Variants in B9D2 observed in about 807,000 individuals in gnomAD.
B9D2 encodes B9 domain containing 2.
A neutral mutation model predicts 19.2 loss-of-function variants in B9D2; 21 were observed. The ratio of observed to expected loss-of-function variants is 1.09; its 90% confidence interval spans 0.78 to 1.58. The LOEUF is 1.58. Among genes scored for constraint, B9D2 ranks in the 40% most tolerant of loss-of-function variants. The probability of loss-of-function intolerance (pLI) is 0.00; values close to 1 mark genes in which losing one functional copy is unlikely to be tolerated. For synonymous variants in B9D2, 91 were observed against 100.6 expected (o/e 0.90, Z 0.57); for missense variants, 221 against 244.3 (o/e 0.90, Z 0.64).
chr19:41,358,681 G>A (rs1032142209), intron 2 of B9D2, among the ~76,000 whole-genome samples: 6 of 152,086 alleles, frequency 3.9e-5, no homozygotes, highest in African/African-American at 7.2e-5. Context: ...TAACAATTTC[G>A]ATCCTACTGA....
chr19:41,363,899 TTA>T, intron 1 of B9D2, 57 bp downstream of exon 1: 1 of 468,264 alleles, frequency 2.1e-6, no homozygotes, highest in Non-Finnish European at 3.9e-6. Context: ...GGCGCATGCG[TTA>T]TGAGTTCAGG....
In B9D2 at chr19:41,354,690, G is replaced by A. The variant is rs2038276352; in HGVS notation, c.*10C>T. The A allele has an allele frequency of 6.2e-7, 1 of 1,613,906 alleles. No individual in the cohort carries two copies. Among genetic ancestry groups the A allele is most frequent in the Non-Finnish European group, 8.5e-7 (1 of 1,179,970 alleles). ...GGTGTGGATGGTGGTGACGTTGGAGGCAGAGTCCCTCAGCACTCCACGCCG... is the reference window on the plus strand; with the variant it reads ...GGTGTGGATGGTGGTGACGTTGGAGACAGAGTCCCTCAGCACTCCACGCCG... On this transcript the variant is annotated 3_prime_UTR_variant, in exon 4 of 4. Transcript: ENST00000243578.
In B9D2 at chr19:41,363,547, C is replaced by T. The variant is rs377166930; in HGVS notation, c.-4-24G>A. The T allele has an allele frequency of 3.3e-4, 529 of 1,603,370 alleles. 2 individuals carry two copies. Among genetic ancestry groups the T allele is most frequent in the Non-Finnish European group, 4.0e-4 (473 of 1,172,022 alleles). Reference sequence around the variant, plus strand: ...CCCTGGGAGGGGAAAAATATAATCACAACCCTGTGAGGTAAGTGTATTATC... The same window carrying T: ...CCCTGGGAGGGGAAAAATATAATCATAACCCTGTGAGGTAAGTGTATTATC... On this transcript the variant is annotated intron_variant, in intron 1 of 3. Transcript: ENST00000243578.
At chr19:41,361,364 G>T (rs568120390) in intron 2 of B9D2, among the ~76,000 whole-genome samples, 14 of 152,108 alleles carry the variant, frequency 9.2e-5, no homozygotes, top group Admixed American at 2.0e-4. Context: ...CTCTGCCCAG[G>T]GTCACAGAGA....
At chr19:41,355,670 C>T (rs764224688) in intron 3 of B9D2, among the ~76,000 whole-genome samples, 13 of 152,302 alleles carry the variant, frequency 8.5e-5, no homozygotes, top group East Asian at 1.9e-4. Context: ...GCTGGGGACA[C>T]GGCAGACATG....
chr19:41,359,408 A>AAC (rs1026992931), intron 2 of B9D2, among the ~76,000 whole-genome samples: 13 of 151,640 alleles, frequency 8.6e-5, no homozygotes, highest in South Asian at 4.2e-4. Context: ...CTCTACTAAA[A>AAC]ACACACACAC....
chr19:41,355,622 G>C (rs2038301223), intron 3 of B9D2, among the ~76,000 whole-genome samples: 1 of 152,200 alleles, frequency 6.6e-6, no homozygotes, highest in East Asian at 1.9e-4. Flanking sequence ...CTCATCTCAT[G>C]CTGATCCCTT....
intron 2 of B9D2, chr19:41,363,170 C>T (rs564693623): frequency 3.3e-4 from 163 of 500,040 alleles, no homozygotes; most frequent in Non-Finnish European, 3.3e-5. Flanking sequence ...CACTAGAGCC[C>T]GAGAGTTCGA....
At chr19:41,359,627 C>T (rs1000722238) in intron 2 of B9D2, among the ~76,000 whole-genome samples, 6 of 151,942 alleles carry the variant, frequency 3.9e-5, no homozygotes, top group Non-Finnish European at 8.8e-5. Context: ...CACTTGAACC[C>T]AGGAGGCGGA....
At position 41,354,534 on chromosome 19, in the gene B9D2, G is replaced by T; in HGVS notation, c.*166C>A. The T allele has an allele frequency of 3.5e-6, 3 of 867,316 alleles. No homozygotes were observed. Among genetic ancestry groups the T allele is most frequent in the Non-Finnish European group, 5.5e-6 (3 of 548,312 alleles). 53.7% of individuals were successfully genotyped at this position (867,316 alleles called of 1,614,324 possible). On this transcript the variant is annotated 3_prime_UTR_variant, in exon 4 of 4. Transcript: ENST00000243578. ...CCCCAATTTACAGATAGGGAAACTGGGCCCAGAGGGACCCCGAGGTCCTAG... is the reference window on the plus strand; with the variant it reads ...CCCCAATTTACAGATAGGGAAACTGTGCCCAGAGGGACCCCGAGGTCCTAG...
At chr19:41,363,824 CG>C (rs1444228723) in intron 1 of B9D2, 133 bp downstream of exon 1, 9 of 539,316 alleles carry the variant, frequency 1.7e-5, no homozygotes, top group Non-Finnish European at 3.0e-5. Flanking sequence ...CGCCCACGAG[CG>C]CAAAAGACCC....
chr19:41,363,027 T>G, intron 2 of B9D2: 1 of 247,448 alleles, frequency 4.0e-6, no homozygotes, highest in South Asian at 4.4e-5. Context: ...GGTGGCCTGT[T>G]TGAGCGCAGG....
Position 41,354,627 on chromosome 19 carries a change from G to T in B9D2, c.*73C>A. The T allele has an allele frequency of 6.3e-7, 1 of 1,580,090 alleles. No individual in the cohort carries two copies. Among genetic ancestry groups the T allele is most frequent in the South Asian group, 1.1e-5 (1 of 89,562 alleles). ...GACAGTCTCTAGAGTCTGTGCTCTTGACCACTGTGCCATCCTCCCCCATCA... is the reference window on the plus strand; with the variant it reads ...GACAGTCTCTAGAGTCTGTGCTCTTTACCACTGTGCCATCCTCCCCCATCA... On this transcript the variant is annotated 3_prime_UTR_variant, in exon 4 of 4. Coordinates refer to ENST00000243578, the MANE Select transcript of B9D2 (RefSeq NM_030578.4).
At chr19:41,360,010 G>T (rs1333248314) in intron 2 of B9D2, among the ~76,000 whole-genome samples, 1 of 152,058 alleles carries the variant, frequency 6.6e-6, no homozygotes, top group East Asian at 1.9e-4. Flanking sequence ...TCTGCTCCTG[G>T]GTGTCCCCAT....
Position 41,363,514 on chromosome 19 carries a change from A to T in B9D2, c.6T>A (p.Ala2=). 6.2e-7 allele frequency: 1 copy of T among 1,614,042 alleles called. No homozygotes were observed. Among genetic ancestry groups the T allele is most frequent in the Non-Finnish European group, 8.5e-7 (1 of 1,179,964 alleles). Residue 2 remains alanine (A), a synonymous_variant, in exon 2 of 4, where the codon GCT becomes GCA. Coordinates refer to ENST00000243578, the MANE Select transcript of B9D2 (RefSeq NM_030578.4). M[A]EVHVIGQIIG... Reference sequence around the variant, plus strand: ...TGATCTGCCCGATCACGTGCACCTCAGCCATGGCCCTGGGAGGGGAAAAAT... The same window carrying T: ...TGATCTGCCCGATCACGTGCACCTCTGCCATGGCCCTGGGAGGGGAAAAAT...
intron 1 of B9D2, 41 bp downstream of exon 1, chr19:41,363,917 C>T (rs1000751328): frequency 5.0e-6 from 2 of 403,128 alleles, no homozygotes; most frequent in Admixed American, 4.2e-5. Flanking sequence ...TCAGGTCCGA[C>T]TTAACCCCGC....
At chr19:41,362,371 CAAAAAAAAAA>C (rs777325237) in intron 2 of B9D2, among the ~76,000 whole-genome samples, 3 of 58,378 alleles carry the variant, frequency 5.1e-5, no homozygotes, top group Non-Finnish European at 9.0e-5. Flanking sequence ...GAACGAGTCT[CAAAAAAAAAA>C]AAAAAAAAAA....
rs1387545658 is a variant in B9D2, at chr19:41,354,853, C to T, written c.375G>A (p.Arg125=). The T allele has an allele frequency of 6.2e-7, 1 of 1,613,964 alleles. No individual in the cohort carries two copies. Among genetic ancestry groups the T allele is most frequent in the Non-Finnish European group, 8.5e-7 (1 of 1,179,976 alleles). The part of the protein sequence containing the change: ...PLGSWREQLA[R]AFVGGGPQLL... ...GCTGCGGCCCACCACCCACGAAAGC[C>T]CGTGCCAACTGTTCTCGCCAACTGC... Residue 125 remains arginine (R), a synonymous_variant, in exon 4 of 4, where the codon CGG becomes CGA. Coordinates refer to ENST00000243578, the MANE Select transcript of B9D2 (RefSeq NM_030578.4).
intron 2 of B9D2, among the ~76,000 whole-genome samples, chr19:41,360,856 G>A (rs1272721808): frequency 6.6e-6 from 1 of 152,062 alleles, no homozygotes; most frequent in South Asian, 2.1e-4. Context: ...AGGAAAACAG[G>A]GACCTTGCAC....
Sources: allele counts gnomAD v4.1 joint callset (sites outside exome capture counted in the v4.1 genomes callset), GRCh38; gene constraint gnomAD v4.1.1; transcripts MANE v1.5; gene names NCBI Gene and HGNC (gene_info 2026-07-23, HGNC 2026-07-21).